The following ESRRG variants were observed in gnomAD, a reference collection of about 807,000 sequenced individuals.
The protein encoded by ESRRG is estrogen related receptor gamma.
Under a neutral mutation model 44.0 loss-of-function variants are expected in ESRRG, and 13 were observed. The ratio of observed to expected loss-of-function variants is 0.30; its 90% CI spans 0.19 to 0.47. ESRRG has a LOEUF of 0.47. Ranked by LOEUF, ESRRG falls within the 20% of genes least tolerant of loss-of-function variation. ESRRG has a pLI of 1.00. For missense variants in ESRRG, 395 were observed against 580.6 expected, an observed-to-expected ratio of 0.68 and a Z score of 3.29; for synonymous variants, 215 against 214.6, an observed-to-expected ratio of 1.00 and a Z score of -0.02.
intron 1 of ESRRG, among the ~76,000 whole-genome samples, chr1:217,039,010 G>A (rs139385991): frequency 0.019 from 2,871 of 152,232 alleles, 91 homozygotes; most frequent in African/African-American, 0.065. Context: ...CAAATCTCTA[G>A]GGCAGGGACA....
At chr1:216,664,844 G>A (rs934472658) in intron 2 of ESRRG, among the ~76,000 whole-genome samples, 2 of 152,110 alleles carry the variant, frequency 1.3e-5, no homozygotes, top group Non-Finnish European at 2.9e-5. Context: ...GAATTACCAT[G>A]TGATCCAGTA....
intron 5 of ESRRG, among the ~76,000 whole-genome samples, chr1:216,547,263 T>C (rs2054820467): frequency 6.6e-6 from 1 of 151,624 alleles, no homozygotes; most frequent in African/African-American, 2.4e-5. Context: ...TTGATGATGA[T>C]GATGATGATG....
intron 1 of ESRRG, among the ~76,000 whole-genome samples, chr1:217,021,124 ATAGCAT>A (rs1441559540): frequency 6.6e-6 from 1 of 151,978 alleles, no homozygotes; most frequent in African/African-American, 2.4e-5. Context: ...GGGAGAGGAA[ATAGCAT>A]TAGGCTTGTG....
At chr1:216,946,864 T>G (rs2066145696) in intron 1 of ESRRG, among the ~76,000 whole-genome samples, 1 of 152,044 alleles carries the variant, frequency 6.6e-6, no homozygotes, top group South Asian at 2.1e-4. Flanking sequence ...CATGCCCAGC[T>G]AATTTTTGTA....
intron 2 of ESRRG, among the ~76,000 whole-genome samples, chr1:216,841,815 T>A (rs969912042): frequency 1.3e-5 from 2 of 152,010 alleles, no homozygotes; most frequent in Non-Finnish European, 2.9e-5. Context: ...AATAGAGCAA[T>A]CTTTACTTCC....
At chr1:216,902,046 T>A (rs2059136436) in intron 2 of ESRRG, among the ~76,000 whole-genome samples, 1 of 152,172 alleles carries the variant, frequency 6.6e-6, no homozygotes, top group Non-Finnish European at 1.5e-5. Context: ...AACAGGCAAG[T>A]CAATACTTCC....
At chr1:216,990,604 A>T (rs2075539998) in intron 1 of ESRRG, among the ~76,000 whole-genome samples, 2 of 151,892 alleles carry the variant, frequency 1.3e-5, no homozygotes, top group South Asian at 4.2e-4. Context: ...TCCTCAGCCT[A>T]CTCAATGTGA....
chr1:216,578,294 TAC>T (rs1254512091), intron 3 of ESRRG, among the ~76,000 whole-genome samples: 1 of 152,052 alleles, frequency 6.6e-6, no homozygotes, highest in African/African-American at 2.4e-5. Flanking sequence ...GCAATAAGTC[TAC>T]ACAGTCATAG....
At chr1:216,905,641 T>C (rs2059604509) in intron 2 of ESRRG, among the ~76,000 whole-genome samples, 1 of 152,224 alleles carries the variant, frequency 6.6e-6, no homozygotes, top group Admixed American at 6.5e-5. Context: ...CACTGTAGCT[T>C]CAGGGTCAGG....
intron 6 of ESRRG, among the ~76,000 whole-genome samples, chr1:216,516,336 T>C (rs1558199772): frequency 6.6e-6 from 1 of 152,130 alleles, no homozygotes; most frequent in Non-Finnish European, 1.5e-5. Flanking sequence ...TTTCCAGTGA[T>C]GTTCTGGTGT....
chr1:216,766,172 T>C (rs916605439), intron 2 of ESRRG, among the ~76,000 whole-genome samples: 2 of 152,114 alleles, frequency 1.3e-5, no homozygotes, highest in Non-Finnish European at 2.9e-5. Flanking sequence ...TCCTTATTAT[T>C]ATGTTAGTAT....
At chr1:216,671,289 C>A (rs553474824) in intron 2 of ESRRG, among the ~76,000 whole-genome samples, 34 of 152,268 alleles carry the variant, frequency 2.2e-4, no homozygotes, top group Non-Finnish European at 4.4e-4. Context: ...CTAAATATAA[C>A]TAAACAAATT....
chr1:216,836,412 C>A (rs1206449918), intron 2 of ESRRG, among the ~76,000 whole-genome samples: 1 of 152,104 alleles, frequency 6.6e-6, no homozygotes, highest in Non-Finnish European at 1.5e-5. Context: ...GAGTTGAAAC[C>A]CATCAGCAGT....
chr1:217,038,404 T>A (rs570993003), intron 1 of ESRRG, among the ~76,000 whole-genome samples: 172 of 152,358 alleles, frequency 1.1e-3, no homozygotes, highest in African/African-American at 4.0e-3. Context: ...CTATCTTGAA[T>A]TCCATGATCA....
At chr1:216,941,086 C>T (rs2065150702) in intron 1 of ESRRG, among the ~76,000 whole-genome samples, 1 of 152,092 alleles carries the variant, frequency 6.6e-6, no homozygotes, top group Admixed American at 6.6e-5. Flanking sequence ...ATGAGAGAGA[C>T]AGGAGGTAAG....
intron 2 of ESRRG, among the ~76,000 whole-genome samples, chr1:216,737,156 C>T (rs188438916): frequency 1.3e-5 from 2 of 152,282 alleles, no homozygotes; most frequent in African/African-American, 4.8e-5. Context: ...AAATTCAGTT[C>T]TTTCTCTGGC....
intron 2 of ESRRG, among the ~76,000 whole-genome samples, chr1:216,895,778 T>G (rs981353502): frequency 6.6e-6 from 1 of 152,180 alleles, no homozygotes; most frequent in Non-Finnish European, 1.5e-5. Flanking sequence ...AAAAGAGCTC[T>G]TATCTTGTGC....
chr1:217,135,767 G>A (rs979422878), intron 1 of ESRRG, among the ~76,000 whole-genome samples: 1 of 152,218 alleles, frequency 6.6e-6, no homozygotes, highest in African/African-American at 2.4e-5. Flanking sequence ...GACGGAGTCG[G>A]GCCGCTGGGC....
chr1:216,966,546 G>C (rs1441195667), intron 1 of ESRRG, among the ~76,000 whole-genome samples: 1 of 152,140 alleles, frequency 6.6e-6, no homozygotes, highest in African/African-American at 2.4e-5. Context: ...TTCAGTGGGT[G>C]CAGGCTCACC....
Sources: allele counts gnomAD v4.1 joint callset (sites outside exome capture counted in the v4.1 genomes callset), GRCh38; gene constraint gnomAD v4.1.1; transcripts MANE v1.5; gene names NCBI Gene and HGNC (gene_info 2026-07-23, HGNC 2026-07-21).